Variants in LMTK2 observed in about 807,000 individuals in gnomAD.
The protein encoded by LMTK2 is lemur tail kinase 2, also known as serine/threonine-protein kinase LMTK2.
LMTK2 carries 37 observed loss-of-function variants against 127.5 expected under a neutral mutation model. That is an observed-to-expected ratio of 0.29 (90% CI 0.22 to 0.38). The LOEUF (loss-of-function observed/expected upper bound fraction) is 0.38, where lower values mean the gene tolerates loss of function less well. Ranked by LOEUF, LMTK2 falls within the 10% of genes least tolerant of loss-of-function variation. LMTK2 has a pLI of 1.00. For synonymous variants in LMTK2, 819 were observed against 810.1 expected (o/e 1.01, Z -0.19); for missense variants, 1,694 against 1,920.3 (o/e 0.88, Z 2.20).
At chr7:98,182,801 A>G (rs981869479) in intron 7 of LMTK2, among the ~76,000 whole-genome samples, 2 of 152,260 alleles carry the variant, frequency 1.3e-5, no homozygotes, top group Admixed American at 6.5e-5. Context: ...TCATACCAGC[A>G]TCATTCACAA....
intron 2 of LMTK2, among the ~76,000 whole-genome samples, chr7:98,138,192 G>A (rs1250924622): frequency 1.3e-5 from 2 of 152,166 alleles, no homozygotes; most frequent in Admixed American, 6.5e-5. Flanking sequence ...GAAGGAATGT[G>A]GCGTGCAGAG....
chr7:98,149,240 G>A (rs1318197530), intron 3 of LMTK2, among the ~76,000 whole-genome samples: 1 of 152,202 alleles, frequency 6.6e-6, no homozygotes, highest in Non-Finnish European at 1.5e-5. Context: ...ACCCACCTGG[G>A]AACACAGGTC....
At chr7:98,202,791 A>G (rs1386340101) in intron 11 of LMTK2, among the ~76,000 whole-genome samples, 2 of 152,170 alleles carry the variant, frequency 1.3e-5, no homozygotes, top group Non-Finnish European at 2.9e-5. Flanking sequence ...GCCCCCCAGC[A>G]ACTTCATCGG....
chr7:98,197,882 G>C (rs1469561307), intron 11 of LMTK2, among the ~76,000 whole-genome samples: 1 of 152,128 alleles, frequency 6.6e-6, no homozygotes, highest in East Asian at 1.9e-4. Context: ...AAACATTCAG[G>C]GCTCCACCTA....
intron 1 of LMTK2, among the ~76,000 whole-genome samples, chr7:98,120,018 G>A (rs1796340317): frequency 6.6e-6 from 1 of 151,964 alleles, no homozygotes; most frequent in Admixed American, 6.6e-5. Context: ...TGATTGATCT[G>A]TACAAAATTT....
chr7:98,197,212 A>G (rs1193660740), intron 11 of LMTK2, among the ~76,000 whole-genome samples: 1 of 152,256 alleles, frequency 6.6e-6, no homozygotes, highest in Non-Finnish European at 1.5e-5. Context: ...TTTATTATAC[A>G]TTGAGTCTTG....
intron 1 of LMTK2, among the ~76,000 whole-genome samples, chr7:98,127,373 C>A (rs79440861): frequency 6.6e-6 from 1 of 152,062 alleles, no homozygotes; most frequent in South Asian, 2.1e-4. Context: ...TATGTTGGGC[C>A]CATTTGGAAG....
At position 98,194,317 on chromosome 7, in the gene LMTK2, A is replaced by G. The variant is rs10268268; in HGVS notation, c.3852A>G (p.Ala1284=). The G allele has an allele frequency of 0.043, 69,413 of 1,614,102 alleles. 5,410 individuals carry two copies. Among genetic ancestry groups the G allele is most frequent in the East Asian group, 0.33 (14,771 of 44,868 alleles). Reference sequence around the variant, plus strand: ...ACCTCTCAGAGGACGGGATGGATGCAGACGAGGAGGACGAAAACAGCGACG... The same window carrying G: ...ACCTCTCAGAGGACGGGATGGATGCGGACGAGGAGGACGAAAACAGCGACG... ...MLDLSEDGMD[A]DEEDENSDDS... The change falls in exon 11 of 14, where the codon GCA becomes GCG. Residue 1284 remains alanine (A), a synonymous_variant. Coordinates refer to ENST00000297293, the MANE Select transcript of LMTK2 (RefSeq NM_014916.4). The surrounding 1 kb of genome is among the most constrained non-coding windows in gnomAD (Gnocchi z 5.4).
chr7:98,158,509 A>G (rs1488314351), intron 5 of LMTK2, among the ~76,000 whole-genome samples: 1 of 152,150 alleles, frequency 6.6e-6, no homozygotes, highest in Non-Finnish European at 1.5e-5. Context: ...CTGAATTTGT[A>G]TATACAGTTG....
intron 1 of LMTK2, among the ~76,000 whole-genome samples, chr7:98,118,616 T>C (rs1187231649): frequency 3.3e-5 from 5 of 152,156 alleles, no homozygotes; most frequent in African/African-American, 1.2e-4. Flanking sequence ...TCACCCAGCA[T>C]CCACAGTATT....
rs1407921666 is a variant in LMTK2 at position 98,208,087 on chromosome 7, G to A, written c.*2595G>A. 6.6e-6 allele frequency: 1 copy of A among 151,610 alleles called. No individual in the cohort carries two copies. Among genetic ancestry groups the A allele is most frequent in the Non-Finnish European group, 1.5e-5 (1 of 67,938 alleles). 9.4% of individuals were successfully genotyped at this position (151,610 alleles called of 1,614,324 possible). On this transcript the variant is annotated 3_prime_UTR_variant, in exon 14 of 14. Transcript: ENST00000297293. ...GACCATGCCACTGTACTCTAGCCTG[G>A]GTAACAGCCAGACCCTGTCTCAAAA...
At chr7:98,158,259 C>T (rs1478395094) in intron 5 of LMTK2, among the ~76,000 whole-genome samples, 1 of 152,114 alleles carries the variant, frequency 6.6e-6, no homozygotes, top group Non-Finnish European at 1.5e-5. Context: ...GACTGAAATA[C>T]ATATTGAATT....
chr7:98,161,962 G>A (rs1026766994), intron 6 of LMTK2, among the ~76,000 whole-genome samples: 7 of 152,298 alleles, frequency 4.6e-5, no homozygotes, highest in South Asian at 2.1e-4. Context: ...ACAATTGCCC[G>A]TTTCCCGGCT....
chr7:98,128,143 CTAAA>C (rs1467538898), intron 1 of LMTK2, among the ~76,000 whole-genome samples: 3 of 151,952 alleles, frequency 2.0e-5, no homozygotes, highest in Non-Finnish European at 4.4e-5. Flanking sequence ...GACTCCATCT[CTAAA>C]TAAATAAATA....
At chr7:98,137,266 T>C (rs761799124) in intron 1 of LMTK2, 49 bp from the exon 2 acceptor site, 1 of 1,557,560 alleles carries the variant, frequency 6.4e-7, no homozygotes, top group South Asian at 1.2e-5. Context: ...CTAATTAAAG[T>C]TGATTTTGGA....
intron 11 of LMTK2, among the ~76,000 whole-genome samples, chr7:98,195,474 T>TAA: frequency 6.9e-6 from 1 of 144,170 alleles, no homozygotes; most frequent in Non-Finnish European, 1.5e-5. Flanking sequence ...AAGCATGCTT[T>TAA]AAAAAAAAAA....
chr7:98,126,894 C>A (rs542568663), intron 1 of LMTK2: 2 of 152,292 alleles, frequency 1.3e-5, no homozygotes, highest in East Asian at 3.9e-4. Flanking sequence ...ATCTGTTTCT[C>A]TAGGCTGTTG....
At position 98,193,350 on chromosome 7, in the gene LMTK2, C is replaced by A; in HGVS notation, c.2885C>A (p.Ala962Glu). Residue 962 changes from alanine (A) to glutamate (E), a missense_variant, in exon 11 of 14, where the codon GCA (alanine) becomes GAA (glutamate). Around this residue, in one of 8 missense-constraint regions of LMTK2, gnomAD observed 527 missense variants for 539.8 expected, o/e 0.98. Coordinates refer to ENST00000297293, the MANE Select transcript of LMTK2 (RefSeq NM_014916.4). This position sits in a 1 kb window ranked among gnomAD's most constrained non-coding sequence, Gnocchi z 4.1. Reference sequence around the variant, plus strand: ...AATTCTAAAGACGCAGCAAAAGAAGCAGGCTTGGTGTCTGCCCTCTCCTCG... The same window carrying A: ...AATTCTAAAGACGCAGCAAAAGAAGAAGGCTTGGTGTCTGCCCTCTCCTCG... ...QLNSKDAAKEAGLVSALSSDS... is the reference protein window; with the variant it reads ...QLNSKDAAKEEGLVSALSSDS... 1 of 1,614,188 alleles carries A rather than the reference C, an allele frequency of 6.2e-7. No individual in the cohort carries two copies. The highest frequency in any genetic ancestry group is 8.5e-7 in the Non-Finnish European group (1 of 1,180,046).
chr7:98,169,175 T>C (rs2116418164), intron 6 of LMTK2, among the ~76,000 whole-genome samples: 1 of 152,334 alleles, frequency 6.6e-6, no homozygotes, highest in East Asian at 1.9e-4. Flanking sequence ...ATGACAAGTC[T>C]CAACCATGAG....
Sources: gnomAD v4.1 joint callset for allele counts (sites outside exome capture counted in the v4.1 genomes callset) on GRCh38, gnomAD v4.1.1 for gene constraint, gnomAD v4.1.1 regional missense constraint, Gnocchi (gnomAD v3.1) non-coding constraint, MANE v1.5 for transcripts, NCBI Gene and HGNC (gene_info 2026-07-23, HGNC 2026-07-21) for gene names.